The following DMXL2 variants were observed in gnomAD, a reference collection of about 807,000 sequenced individuals.
DMXL2 encodes dmX-like protein 2.
Under a neutral mutation model 331.1 loss-of-function variants are expected in DMXL2, and 103 were observed. That is an observed-to-expected ratio of 0.31 (90% CI 0.27 to 0.37). The LOEUF (loss-of-function observed/expected upper bound fraction) is 0.37, where lower values mean the gene tolerates loss of function less well. DMXL2 is among the 10% of genes least tolerant of loss of function. The probability of loss-of-function intolerance (pLI) is 1.00; values close to 1 mark genes in which losing one functional copy is unlikely to be tolerated. For missense variants in DMXL2, 3,171 were observed against 3,642.9 expected (o/e 0.87, Z 3.33); for synonymous variants, 1,281 against 1,252.1 (o/e 1.02, Z -0.49).
chr15:51,606,940 C>A (rs1420220527), intron 1 of DMXL2, among the ~76,000 whole-genome samples: 6 of 152,014 alleles, frequency 3.9e-5, no homozygotes, highest in African/African-American at 1.5e-4. Flanking sequence ...GGGCAGATCA[C>A]CTGAGGTCAG....
intron 1 of DMXL2, among the ~76,000 whole-genome samples, chr15:51,618,728 C>A (rs1323374632): frequency 2.0e-5 from 3 of 152,126 alleles, no homozygotes; most frequent in African/African-American, 7.2e-5. Context: ...ATTTATCCTT[C>A]GTATTATGCC....
At chr15:51,488,927 T>C (rs2042596890) in intron 20 of DMXL2, among the ~76,000 whole-genome samples, 1 of 152,214 alleles carries the variant, frequency 6.6e-6, no homozygotes, top group South Asian at 2.1e-4. Context: ...TGTTATCTTA[T>C]TGCATCACTA....
At chr15:51,590,178 A>G (rs890538324) in intron 1 of DMXL2, among the ~76,000 whole-genome samples, 2 of 152,228 alleles carry the variant, frequency 1.3e-5, no homozygotes, top group African/African-American at 4.8e-5. Context: ...CCAGCAAGCT[A>G]TGATGTGGTC....
chr15:51,470,091 C>T (rs1188429539), intron 29 of DMXL2, among the ~76,000 whole-genome samples: 1 of 152,104 alleles, frequency 6.6e-6, no homozygotes. Context: ...CAAGGAATGC[C>T]GATGCTGCCG....
intron 6 of DMXL2, among the ~76,000 whole-genome samples, chr15:51,558,825 C>G (rs1441450729): frequency 6.6e-6 from 1 of 152,152 alleles, no homozygotes; most frequent in Non-Finnish European, 1.5e-5. Flanking sequence ...ATTAAAACTG[C>G]CCATATTTTA....
Position 51,622,764 on chromosome 15 carries a change from G to A in DMXL2, c.-219C>T. ...CCGCCGCCCGGGTCGCCGCTCAGCTGCGGAAATGCCCGGATGTTCCCACTG... is the reference window on the plus strand; with the variant it reads ...CCGCCGCCCGGGTCGCCGCTCAGCTACGGAAATGCCCGGATGTTCCCACTG... On this transcript the variant is annotated 5_prime_UTR_variant, in exon 1 of 44. Transcript: ENST00000560891. 1 of 814,544 alleles carries A rather than the reference G, an allele frequency of 1.2e-6. No individual in the cohort carries two copies. The highest frequency in any genetic ancestry group is 3.3e-5 in the Admixed American group (1 of 30,594). 50.5% of individuals were successfully genotyped at this position (814,544 alleles called of 1,614,324 possible).
chr15:51,457,266 A>C, intron 37 of DMXL2, 62 bp downstream of exon 37: 1 of 1,550,088 alleles, frequency 6.5e-7, no homozygotes, highest in Non-Finnish European at 8.8e-7. Context: ...TATGTCAAAG[A>C]GATTCCAACT....
At chr15:51,620,574 T>C (rs145948275) in intron 1 of DMXL2, among the ~76,000 whole-genome samples, 83 of 152,306 alleles carry the variant, frequency 5.4e-4, no homozygotes, top group African/African-American at 1.9e-3. Context: ...CCAAGAGTAA[T>C]ATAGTAAAAT....
chr15:51,566,340 A>C (rs1259174192), intron 3 of DMXL2, among the ~76,000 whole-genome samples: 1 of 151,870 alleles, frequency 6.6e-6, no homozygotes, highest in Non-Finnish European at 1.5e-5. Context: ...ATCAGAGAAA[A>C]TGCTATTTTT....
chr15:51,515,554 C>A (rs2046987726), intron 14 of DMXL2, among the ~76,000 whole-genome samples: 1 of 151,998 alleles, frequency 6.6e-6, no homozygotes, highest in Admixed American at 6.5e-5. Flanking sequence ...CCCCAAGGGA[C>A]AAACAATAGA....
chr15:51,480,788 C>A lies in DMXL2; in HGVS notation c.6318G>T (p.Glu2106Asp). Residue 2106 changes from glutamate (E) to aspartate (D), a missense_variant, in exon 24 of 44, where the codon GAG (glutamate) becomes GAT (aspartate). Around this residue, in one of 7 missense-constraint regions of DMXL2, gnomAD observed 197 missense variants for 196.2 expected, o/e 1.00. Coordinates refer to ENST00000560891, the MANE Select transcript of DMXL2 (RefSeq NM_001378457.1). ...EYSSKTYSKV[E>D]SDLLDQEEMV... ...TTTCTTCCTGATCCAGCAGATCACT[C>A]TCTACTTTGGAATATGTCTTACTGG... 6.2e-7 allele frequency: 1 copy of A among 1,606,110 alleles called. No homozygotes were observed. Among genetic ancestry groups the A allele is most frequent in the Non-Finnish European group, 8.5e-7 (1 of 1,175,350 alleles).
intron 1 of DMXL2, among the ~76,000 whole-genome samples, chr15:51,590,699 A>C (rs1397243730): frequency 6.6e-6 from 1 of 152,040 alleles, no homozygotes; most frequent in Non-Finnish European, 1.5e-5. Flanking sequence ...CTTCCATTTT[A>C]ACTCTTTATT....
At chr15:51,458,411 A>AT in intron 36 of DMXL2, 95 bp downstream of exon 36, 1 of 1,352,558 alleles carries the variant, frequency 7.4e-7, no homozygotes, top group Non-Finnish European at 1.0e-6. Context: ...AAGGAGATAC[A>AT]CGTATACCTT....
chr15:51,547,131 G>T, intron 7 of DMXL2, 99 bp downstream of exon 7: 1 of 1,051,488 alleles, frequency 9.5e-7, no homozygotes, highest in Non-Finnish European at 1.3e-6. Flanking sequence ...CAGAGCCTAT[G>T]CTATTAATTG....
At chr15:51,607,209 C>T (rs1045476348) in intron 1 of DMXL2, among the ~76,000 whole-genome samples, 1 of 151,874 alleles carries the variant, frequency 6.6e-6, no homozygotes, top group African/African-American at 2.4e-5. Flanking sequence ...GTAATCCCAG[C>T]ACTTTGGGAG....
intron 1 of DMXL2, among the ~76,000 whole-genome samples, chr15:51,606,332 C>G (rs1177273195): frequency 6.6e-6 from 1 of 152,088 alleles, no homozygotes; most frequent in African/African-American, 2.4e-5. Context: ...CTCAGCCTCC[C>G]GAGTAGCTGG....
chr15:51,481,318 T>C lies in DMXL2; in HGVS notation c.5788A>G (p.Arg1930Gly). The change falls in exon 24 of 44, where the codon AGG (arginine) becomes GGG (glycine). Residue 1930 changes from arginine (R) to glycine (G), a missense_variant. Around this residue, in one of 7 missense-constraint regions of DMXL2, gnomAD observed 244 missense variants for 251.4 expected, o/e 0.97. Transcript: ENST00000560891. ...KKDQPDFISH[R>G]MDDVPSHSKA... ...GAATGTGAAGGTACATCATCCATCCTGTGAGAAATGAAGTCAGGCTGATCT... is the reference window on the plus strand; with the variant it reads ...GAATGTGAAGGTACATCATCCATCCCGTGAGAAATGAAGTCAGGCTGATCT... The C allele has an allele frequency of 1.9e-6, 3 of 1,614,160 alleles. No individual in the cohort carries two copies. Among genetic ancestry groups the C allele is most frequent in the Non-Finnish European group, 2.5e-6 (3 of 1,179,998 alleles).
intron 42 of DMXL2, among the ~76,000 whole-genome samples, chr15:51,451,002 C>T (rs1470214006): frequency 1.3e-5 from 2 of 152,214 alleles, no homozygotes; most frequent in African/African-American, 4.8e-5. Context: ...GAGCATGGAG[C>T]ACTTTTTGGG....
chr15:51,517,305 C>T (rs2047090162), intron 13 of DMXL2, 138 bp from the exon 14 acceptor site: 3 of 618,142 alleles, frequency 4.9e-6, no homozygotes. Context: ...CAAAGAAATA[C>T]TTCAACTTTC....
Sources: allele counts gnomAD v4.1 joint callset (sites outside exome capture counted in the v4.1 genomes callset), GRCh38; gene constraint gnomAD v4.1.1; regional missense constraint gnomAD v4.1.1; transcripts MANE v1.5; gene names NCBI Gene and HGNC (gene_info 2026-07-23, HGNC 2026-07-21).